The following RANBP17 variants were observed in gnomAD, a reference collection of about 807,000 sequenced individuals.
RANBP17 encodes ran-binding protein 17.
A neutral mutation model predicts 141.2 loss-of-function variants in RANBP17; 158 were observed. That is an observed-to-expected ratio of 1.12 (90% CI 0.98 to 1.28). The LOEUF (loss-of-function observed/expected upper bound fraction) is 1.28. Ranked by LOEUF, RANBP17 falls within the 50% of genes most tolerant of loss-of-function variation. The probability of loss-of-function intolerance (pLI) is 0.00; values close to 1 mark genes in which losing one functional copy is unlikely to be tolerated. For synonymous variants in RANBP17, 430 were observed against 450.0 expected (o/e 0.96, Z 0.56); for missense variants, 1,438 against 1,290.7 (o/e 1.11, Z -1.75).
At chr5:170,947,299 TTGA>T (rs1774844934) in intron 12 of RANBP17, among the ~76,000 whole-genome samples, 1 of 152,158 alleles carries the variant, frequency 6.6e-6, no homozygotes, top group Non-Finnish European at 1.5e-5. Flanking sequence ...CCCATATCTG[TTGA>T]TAATGTATAA....
chr5:171,021,718 C>G (rs1469622592), intron 14 of RANBP17, among the ~76,000 whole-genome samples: 1 of 152,182 alleles, frequency 6.6e-6, no homozygotes, highest in Non-Finnish European at 1.5e-5. Flanking sequence ...TTGGAACATG[C>G]TCTTTTAGCT....
At chr5:171,252,979 C>T (rs750696437) in intron 24 of RANBP17, 457 of 1,399,590 alleles carry the variant, frequency 3.3e-4, no homozygotes, top group Non-Finnish European at 3.7e-4. Context: ...CTATCAGTCT[C>T]GGGATTGAGG....
At chr5:170,920,775 T>G (rs1772385571) in intron 11 of RANBP17, among the ~76,000 whole-genome samples, 1 of 152,220 alleles carries the variant, frequency 6.6e-6, no homozygotes, top group Non-Finnish European at 1.5e-5. Context: ...CCTGACTTTT[T>G]AATGATCACC....
At chr5:171,022,444 G>A (rs901715524) in intron 14 of RANBP17, among the ~76,000 whole-genome samples, 1 of 152,234 alleles carries the variant, frequency 6.6e-6, no homozygotes, top group Non-Finnish European at 1.5e-5. Flanking sequence ...TCCCGCTAGG[G>A]GCTCAGGCCC....
intron 14 of RANBP17, among the ~76,000 whole-genome samples, chr5:171,090,251 G>C (rs1283007741): frequency 1.3e-5 from 2 of 152,178 alleles, no homozygotes; most frequent in Admixed American, 6.5e-5. Flanking sequence ...TGGAGATGAG[G>C]AACTTGTTGG....
intron 13 of RANBP17, among the ~76,000 whole-genome samples, chr5:170,956,903 C>T (rs984323152): frequency 8.6e-5 from 13 of 151,854 alleles, no homozygotes; most frequent in African/African-American, 3.1e-4. Context: ...AACCCCGTCT[C>T]TACTAAAAAT....
At chr5:170,922,100 G>A (rs1206856782) in intron 11 of RANBP17, among the ~76,000 whole-genome samples, 1 of 90,566 alleles carries the variant, frequency 1.1e-5, no homozygotes, top group Non-Finnish European at 2.8e-5. Flanking sequence ...CTGCAGGTCT[G>A]TTGGAGTTTG....
At chr5:171,296,084 G>T in intron 27 of RANBP17, 70 bp downstream of exon 27, 1 of 1,507,708 alleles carries the variant, frequency 6.6e-7, no homozygotes, top group Non-Finnish European at 9.1e-7. Context: ...TAACTCTCTC[G>T]TGCTTGACAC....
chr5:170,996,807 A>G (rs962164122), intron 14 of RANBP17, among the ~76,000 whole-genome samples: 1 of 152,138 alleles, frequency 6.6e-6, no homozygotes, highest in African/African-American at 2.4e-5. Flanking sequence ...CTCATTTTGC[A>G]TTAGTTTCTA....
intron 25 of RANBP17, among the ~76,000 whole-genome samples, chr5:171,286,965 T>A (rs776164491): frequency 3.9e-5 from 6 of 152,198 alleles, no homozygotes; most frequent in Non-Finnish European, 8.8e-5. Context: ...TTATTGTTTT[T>A]GTTGGGGCCA....
At position 170,931,133 on chromosome 5, in the gene RANBP17, G is replaced by A. The variant is rs187498326; in HGVS notation, c.1468+6583G>A. 2.2e-3 allele frequency among the ~76,000 whole-genome samples: 328 copies of A among 152,256 alleles called. 9 individuals are homozygous for A. The East Asian group carries it at 0.022, about 10-fold the overall frequency. On this transcript the variant is annotated intron_variant, in intron 12 of 27. Transcript: ENST00000523189. The stretch of plus-strand genomic sequence containing the variant: ...TGGTGTGATATGGTATCTCATTGTG[G>A]TTTTGATTTGCATTTCTCTGATGGC...
At chr5:171,296,102 ACATGGATGTCCCTTTTCTGTTACAC>A in intron 27 of RANBP17, 88 bp downstream of exon 27, 2 of 1,320,972 alleles carry the variant, frequency 1.5e-6, no homozygotes, top group Non-Finnish European at 2.1e-6. Context: ...CACAGCTCAC[ACATGGATGTCCCTTTTCTGTTACAC>A]CTTGTGATCC....
intron 14 of RANBP17, among the ~76,000 whole-genome samples, chr5:171,169,675 A>T (rs961163744): frequency 6.1e-5 from 8 of 130,524 alleles, no homozygotes; most frequent in Admixed American, 5.9e-4. Context: ...GATTTTTTTA[A>T]ATCCTTATTT....
chr5:171,046,592 TA>T (rs1430485914), intron 14 of RANBP17, among the ~76,000 whole-genome samples: 1 of 152,220 alleles, frequency 6.6e-6, no homozygotes, highest in Admixed American at 6.5e-5. Flanking sequence ...TACTTAGATA[TA>T]TTTTTTTAAA....
At chr5:170,939,980 C>G (rs1481761350) in intron 12 of RANBP17, among the ~76,000 whole-genome samples, 4 of 151,214 alleles carry the variant, frequency 2.6e-5, no homozygotes, top group African/African-American at 9.7e-5. Context: ...TTTTTAAAAG[C>G]CAAGAAAGGA....
At chr5:171,033,609 A>G (rs941427011) in intron 14 of RANBP17, among the ~76,000 whole-genome samples, 4 of 151,984 alleles carry the variant, frequency 2.6e-5, no homozygotes, top group Non-Finnish European at 4.4e-5. Flanking sequence ...TTTGTTTTAT[A>G]TTATTATTTT....
At chr5:171,113,483 A>G (rs1430790853) in intron 14 of RANBP17, among the ~76,000 whole-genome samples, 3 of 152,162 alleles carry the variant, frequency 2.0e-5, no homozygotes, top group Admixed American at 1.3e-4. Flanking sequence ...AGATATTTTA[A>G]TCTTAGCTGT....
At chr5:171,051,969 A>C (rs1561594185) in intron 14 of RANBP17, among the ~76,000 whole-genome samples, 1 of 151,930 alleles carries the variant, frequency 6.6e-6, no homozygotes, top group Non-Finnish European at 1.5e-5. Flanking sequence ...ATTATAGCTT[A>C]TTGTGGTTTT....
intron 14 of RANBP17, among the ~76,000 whole-genome samples, chr5:171,168,341 A>T (rs1486603822): frequency 1.3e-5 from 2 of 152,200 alleles, no homozygotes; most frequent in Non-Finnish European, 2.9e-5. Flanking sequence ...ACACATAAAA[A>T]TCTGAAATTG....
Sources: allele counts gnomAD v4.1 joint callset (sites outside exome capture counted in the v4.1 genomes callset), GRCh38; gene constraint gnomAD v4.1.1; transcripts MANE v1.5; gene names NCBI Gene and HGNC (gene_info 2026-07-23, HGNC 2026-07-21).